Variants in PSD4 observed in about 807,000 individuals in gnomAD.
The protein encoded by PSD4 is pleckstrin and Sec7 domain containing 4.
In PSD4, 59 loss-of-function variants were observed where a neutral mutation model predicts 112.5. That is an observed-to-expected ratio of 0.52 (90% confidence interval 0.43 to 0.65). The LOEUF is 0.65. Among genes scored for constraint, PSD4 ranks in the 30% least tolerant of loss-of-function variants. The pLI, the probability that PSD4 is intolerant of heterozygous loss-of-function variation, is 0.00. For synonymous variants in PSD4, 533 were observed against 540.0 expected, an observed-to-expected ratio of 0.99 and a Z score of 0.18; for missense variants, 1,267 against 1,352.6, an observed-to-expected ratio of 0.94 and a Z score of 0.99.
chr2:113,192,583 A>AGGG lies in PSD4; in HGVS notation c.1833_1834insGGG (p.Gln611_Lys612insGly). 6.2e-7 allele frequency: 1 copy of AGGG among 1,614,046 alleles called. No individual in the cohort carries two copies. Among genetic ancestry groups the AGGG allele is most frequent in the Non-Finnish European group, 8.5e-7 (1 of 1,179,924 alleles). On this transcript the variant is annotated inframe_insertion, in exon 6 of 17. Transcript: ENST00000245796. ...AAGTCTGAAGTGGCTGCCTACCTGC[A>AGGG]GAAGAAGTAAGGGGCTTTGAGCCTG...
At chr2:113,187,987 T>C (rs930235248) in intron 5 of PSD4, among the ~76,000 whole-genome samples, 2 of 152,084 alleles carry the variant, frequency 1.3e-5, no homozygotes, top group Non-Finnish European at 2.9e-5. Flanking sequence ...ACCTCACAAG[T>C]CACGTGGAAA....
At chr2:113,198,993 C>T in intron 15 of PSD4, 90 bp from the exon 16 acceptor site, 1 of 1,520,330 alleles carries the variant, frequency 6.6e-7, no homozygotes, top group Non-Finnish European at 8.8e-7. Flanking sequence ...GGCCTGGGAA[C>T]CGAGGCGGCC....
At chr2:113,188,024 A>G (rs1242923252) in intron 5 of PSD4, among the ~76,000 whole-genome samples, 1 of 152,240 alleles carries the variant, frequency 6.6e-6, no homozygotes, top group East Asian at 1.9e-4. Context: ...GAACCAAAAG[A>G]GATTGTCCAG....
chr2:113,188,842 ATAGGCGTGAG>A (rs1688375095), intron 5 of PSD4, among the ~76,000 whole-genome samples: 1 of 152,252 alleles, frequency 6.6e-6, no homozygotes, highest in Non-Finnish European at 1.5e-5. Flanking sequence ...TGCTGGGATT[ATAGGCGTGAG>A]CCACCACGCC....
chr2:113,183,397 G>A lies in PSD4; in HGVS notation c.941G>A (p.Gly314Glu), dbSNP rs977587766. Residue 314 changes from glycine (G) to glutamate (E), a missense_variant, in exon 2 of 17, where the codon GGG (glycine) becomes GAG (glutamate). By Grantham distance (98) the Gly-to-Glu change is moderately conservative. Around this residue, in one of 2 missense-constraint regions of PSD4, gnomAD observed 723 missense variants for 704.0 expected, o/e 1.03. Coordinates refer to ENST00000245796, the MANE Select transcript of PSD4 (RefSeq NM_012455.3). ...TTGGGGGACGGCGCTGCTATCAGTGGGCATTGTACCCCTCCATTCCCTGTG... is the reference window on the plus strand; with the variant it reads ...TTGGGGGACGGCGCTGCTATCAGTGAGCATTGTACCCCTCCATTCCCTGTG... ...PDLGDGAAIS[G>E]HCTPPFPVPI... 1 of 1,572,484 alleles carries A rather than the reference G, an allele frequency of 6.4e-7. No homozygotes were observed. The highest frequency in any genetic ancestry group is 1.2e-5 in the South Asian group (1 of 83,968).
intron 10 of PSD4, among the ~76,000 whole-genome samples, chr2:113,195,208 G>A (rs1354060694): frequency 2.6e-5 from 4 of 151,172 alleles, no homozygotes; most frequent in South Asian, 2.1e-4. Flanking sequence ...GCACTGTCGC[G>A]GGAGTGCAGT....
At chr2:113,185,218 C>G (rs1012701840) in intron 3 of PSD4, 145 bp downstream of exon 3, 2 of 1,550,672 alleles carry the variant, frequency 1.3e-6, no homozygotes, top group African/African-American at 2.7e-5. Context: ...GAGGCTCCAG[C>G]CTGGGTGGGA....
chr2:113,185,106 C>T, intron 3 of PSD4, 33 bp downstream of exon 3: 7 of 1,613,776 alleles, frequency 4.3e-6, no homozygotes, highest in Non-Finnish European at 5.9e-6. Context: ...GCCTTACTTT[C>T]TCCATCTTTG....
chr2:113,203,354 G>A lies in PSD4; in HGVS notation c.*1939G>A, dbSNP rs1449583480. ...CAGGGATGCTGATTCAGTCAGCCTG[G>A]GTCAGAGGGATAGATAAATATGTTT... is the stretch of plus-strand genomic sequence containing the variant. On this transcript the variant is annotated 3_prime_UTR_variant, in exon 17 of 17. Transcript: ENST00000245796. 6.6e-6 allele frequency: 1 copy of A among 152,118 alleles called. No individual in the cohort carries two copies. Among genetic ancestry groups the A allele is most frequent in the Non-Finnish European group, 1.5e-5 (1 of 68,046 alleles). The allele number at this position is 152,118 out of a possible 1,614,324, so 9.4% of individuals were successfully genotyped here.
rs45587631 is a variant in PSD4 at position 113,199,254 on chromosome 2, G to A, written c.2913+28G>A. ...GAGCGGCCGAGCCCACCTCCCCGCC[G>A]CTGCGCAGCGCCCTCTCCGCCCTCT... On this transcript the variant is annotated intron_variant, in intron 16 of 16. Transcript: ENST00000245796. The A allele has an allele frequency of 9.8e-3, 14,097 of 1,431,392 alleles. 88 individuals are homozygous for A. Among genetic ancestry groups the A allele is most frequent in the Non-Finnish European group, 0.012 (12,643 of 1,097,426 alleles). 88.7% of individuals were successfully genotyped at this position (1,431,392 alleles called of 1,614,324 possible). A position where few individuals can be genotyped will look rare whatever the true frequency, so the allele number is the denominator to read the frequency against.
chr2:113,193,127 C>T lies in PSD4; in HGVS notation c.1918C>T (p.Arg640Trp). 1.9e-6 allele frequency: 3 copies of T among 1,613,620 alleles called. No homozygotes were observed. Among genetic ancestry groups the T allele is most frequent in the Non-Finnish European group, 2.5e-6 (3 of 1,179,540 alleles). ...FGGQSLDRAL[R>W]SFLQALVLSG... is the part of the protein sequence containing the mutation. ...AGGCCAGAGTCTGGACCGAGCCCTC[C>T]GGTAATGTCTTTGGGCCCTCTCTGG... Residue 640 changes from arginine (R) to tryptophan (W), a missense_variant and splice_region_variant, in exon 7 of 17, where the codon CGG (arginine) becomes TGG (tryptophan). By Grantham distance (101) the Arg-to-Trp change is moderately radical. Coordinates refer to ENST00000245796, the MANE Select transcript of PSD4 (RefSeq NM_012455.3).
chr2:113,182,221 G>GGGCAGTGCT, intron 1 of PSD4, 125 bp from the exon 2 acceptor site: 1 of 492,540 alleles, frequency 2.0e-6, no homozygotes. Context: ...GGGCTGTGGA[G>GGGCAGTGCT]GGCAGTGCTA....
Position 113,193,368 on chromosome 2 carries a change from T to C in PSD4, c.2030T>C (p.Val677Ala). 1 of 1,606,352 alleles carries C rather than the reference T, an allele frequency of 6.2e-7. No individual in the cohort carries two copies. The highest frequency in any genetic ancestry group is 1.1e-5 in the South Asian group (1 of 90,372). The change falls in exon 8 of 17, where the codon GTA becomes GCA. Residue 677 changes from valine to alanine, a missense_variant and splice_region_variant. Coordinates refer to ENST00000245796, the MANE Select transcript of PSD4 (RefSeq NM_012455.3). The stretch of plus-strand genomic sequence containing the variant: ...TGCAATCCGGGGATCTTCCCCTCAG[T>C]AGGTAGGGAGGGGCTGGCCCTGACA... ...HHCNPGIFPS[V>A]DSVHTLTCAI...
Position 113,199,209 on chromosome 2 carries a change from G to C in PSD4, c.2896G>C (p.Glu966Gln), listed in dbSNP as rs1352499958. 2.0e-6 allele frequency: 3 copies of C among 1,507,752 alleles called. No individual in the cohort carries two copies. The highest frequency in any genetic ancestry group is 1.5e-5 in the African/African-American group (1 of 68,872). The allele number at this position is 1,507,752 out of a possible 1,614,324, so 93.4% of individuals were successfully genotyped here. A position where few individuals can be genotyped will look rare whatever the true frequency, so the allele number is the denominator to read the frequency against. Residue 966 changes from glutamate (E) to glutamine (Q), a missense_variant, in exon 16 of 17, where the codon GAG becomes CAG. Coordinates refer to ENST00000245796, the MANE Select transcript of PSD4 (RefSeq NM_012455.3). ...RELEEHRLRK[E>Q]YLEYEKTRYE... is the part of the protein sequence containing the mutation. ...GCTGGAGGAGCACCGCCTGCGGAAG[G>C]AGTACCTGGAGTACGAGGTGAGCGG...
Position 113,182,712 on chromosome 2 carries a change from C to A in PSD4, c.256C>A (p.Pro86Thr). ...GSWVHQDGLEPCQEQTRATDP... is the reference protein window; with the variant it reads ...GSWVHQDGLETCQEQTRATDP... Reference sequence around the variant, plus strand: ...CTGGGTCCATCAGGACGGGCTGGAGCCTTGCCAGGAGCAAACCCGGGCCAC... The same window carrying A: ...CTGGGTCCATCAGGACGGGCTGGAGACTTGCCAGGAGCAAACCCGGGCCAC... The change falls in exon 2 of 17, where the codon CCT becomes ACT. Residue 86 changes from proline (P) to threonine (T), a missense_variant. Physicochemically the swap from Pro to Thr is conservative, Grantham distance 38. This residue lies in a region of PSD4 where 723 missense variants were observed against 704.0 expected (regional missense o/e 1.03). Transcript: ENST00000245796. The A allele has an allele frequency of 6.2e-7, 1 of 1,605,682 alleles. No individual in the cohort carries two copies. Among genetic ancestry groups the A allele is most frequent in the Non-Finnish European group, 8.5e-7 (1 of 1,174,584 alleles).
At chr2:113,196,031 G>T (rs889606044) in intron 11 of PSD4, 116 bp from the exon 12 acceptor site, 17 of 1,335,284 alleles carry the variant, frequency 1.3e-5, no homozygotes, top group South Asian at 4.0e-5. Context: ...CTTGTGGGGG[G>T]TCCTGGGGTG....
Position 113,186,265 on chromosome 2 carries a change from A to G in PSD4, c.1628+10A>G. ...TGACTTCTGCAGAACAGTAAGTCTC[A>G]GACTAACTGGCTCTCATGCTCCTAA... On this transcript the variant is annotated intron_variant, in intron 5 of 16. Transcript: ENST00000245796. The G allele has an allele frequency of 6.4e-7, 1 of 1,556,766 alleles. No individual in the cohort carries two copies. The highest frequency in any genetic ancestry group is 1.2e-5 in the South Asian group (1 of 81,482).
rs1688901397 is a variant in PSD4 at position 113,208,831 on chromosome 2, T to C, written c.*7416T>C. The C allele has an allele frequency of 6.6e-6, 1 of 152,208 alleles. No individual in the cohort carries two copies. The highest frequency in any genetic ancestry group is 1.5e-5 in the Non-Finnish European group (1 of 68,044). 9.4% of individuals were successfully genotyped at this position (152,208 alleles called of 1,614,324 possible). A position where few individuals can be genotyped will look rare whatever the true frequency, so the allele number is the denominator to read the frequency against. ...TGAGCCTCTAGTCATGGTCATGGGC[T>C]AATCTGTATATGAAAACCCACTTGA... is the stretch of plus-strand genomic sequence containing the variant. On this transcript the variant is annotated 3_prime_UTR_variant, in exon 17 of 17. Coordinates refer to ENST00000245796, the MANE Select transcript of PSD4 (RefSeq NM_012455.3).
intron 4 of PSD4, 62 bp from the exon 5 acceptor site, chr2:113,185,815 G>A (rs1236828467): frequency 6.4e-7 from 1 of 1,563,954 alleles, no homozygotes; most frequent in Non-Finnish European, 8.7e-7. Flanking sequence ...CTCTGGAGGT[G>A]GTGCCCAGGC....
Sources: gnomAD v4.1 joint callset for allele counts (sites outside exome capture counted in the v4.1 genomes callset) on GRCh38, gnomAD v4.1.1 for gene constraint, gnomAD v4.1.1 regional missense constraint, MANE v1.5 for transcripts, NCBI Gene and HGNC (gene_info 2026-07-23, HGNC 2026-07-21) for gene names.